The following GPRIN3 variants were observed in gnomAD, a reference collection of about 807,000 sequenced individuals.
GPRIN3 encodes GPRIN family member 3, also known as G protein-regulated inducer of neurite outgrowth 3.
Under a neutral mutation model 13.7 loss-of-function variants are expected in GPRIN3, and 12 were observed. That is an observed-to-expected ratio of 0.87 (90% CI 0.56 to 1.42). The LOEUF (loss-of-function observed/expected upper bound fraction) is 1.42. GPRIN3 is among the 40% of genes most tolerant of loss of function. GPRIN3 has a pLI of 0.00. For synonymous variants in GPRIN3, 377 were observed against 372.7 expected, an observed-to-expected ratio of 1.01 and a Z score of -0.13; for missense variants, 1,009 against 958.7, an observed-to-expected ratio of 1.05 and a Z score of -0.69.
chr4:89,270,685 C>A (rs969570909), intron 1 of GPRIN3, among the ~76,000 whole-genome samples: 1 of 149,484 alleles, frequency 6.7e-6, no homozygotes. Flanking sequence ...ACTTCAGGGG[C>A]ACACCACTGC....
At chr4:89,293,733 A>G (rs548182158) in intron 1 of GPRIN3, among the ~76,000 whole-genome samples, 1 of 152,324 alleles carries the variant, frequency 6.6e-6, no homozygotes, top group East Asian at 1.9e-4. Flanking sequence ...AGCTCTGCTA[A>G]CCTATGATGA....
In GPRIN3 at chr4:89,247,759, A is replaced by AACTCCCATAAAT. The variant is rs754746048; in HGVS notation, c.*9_*20dup. On this transcript the variant is annotated 3_prime_UTR_variant, in exon 2 of 2. Coordinates refer to ENST00000609438, the MANE Select transcript of GPRIN3 (RefSeq NM_198281.3). ...TGTGAATACCGTAAATTTATACACAAACTCCCATAAATACTCCCTTTCAAT... is the reference window on the plus strand; with the variant it reads ...TGTGAATACCGTAAATTTATACACAAACTCCCATAAATACTCCCATAAATACTCCCTTTCAAT... 5.1e-6 allele frequency: 8 copies of AACTCCCATAAAT among 1,575,372 alleles called. No individual in the cohort carries two copies. Among genetic ancestry groups the AACTCCCATAAAT allele is most frequent in the Non-Finnish European group, 6.0e-6 (7 of 1,158,576 alleles).
rs1725073916 is a variant in GPRIN3, at chr4:89,307,677, T to C, written c.-186A>G. The C allele has an allele frequency of 6.6e-6, 1 of 152,040 alleles. No individual in the cohort carries two copies. The highest frequency in any genetic ancestry group is 2.4e-5 in the African/African-American group (1 of 41,380). The allele number at this position is 152,040 out of a possible 1,614,324, so 9.4% of individuals were successfully genotyped here. A position where few individuals can be genotyped will look rare whatever the true frequency, so the allele number is the denominator to read the frequency against. On this transcript the variant is annotated 5_prime_UTR_variant, in exon 1 of 2. Transcript: ENST00000609438. ...CCTGCGCTGTGGCGGGGGCTTCCCG[T>C]CGCATATCCCAAGCACCGTCTCTCG...
In GPRIN3 at chr4:89,289,528, C is replaced by G. The variant is rs575777252; in HGVS notation, c.-124+18087G>C. Reference sequence around the variant, plus strand: ...CAATAACTGTTACACTCATATAGCTCTTTAAAATAAAGCAAGCTCCCACAG... The same window carrying G: ...CAATAACTGTTACACTCATATAGCTGTTTAAAATAAAGCAAGCTCCCACAG... On this transcript the variant is annotated intron_variant, in intron 1 of 1. Coordinates refer to ENST00000609438, the MANE Select transcript of GPRIN3 (RefSeq NM_198281.3). Among the ~76,000 whole-genome samples, 22 of 152,280 alleles carry G rather than the reference C, an allele frequency of 1.4e-4. No individual in the cohort carries two copies. The South Asian group carries it at 1.5e-3, about 10-fold the overall frequency.
chr4:89,300,135 A>AT (rs1561234727), intron 1 of GPRIN3, among the ~76,000 whole-genome samples: 1 of 152,112 alleles, frequency 6.6e-6, no homozygotes, highest in East Asian at 1.9e-4. Flanking sequence ...ACCATGGTTA[A>AT]TGGGGGTTAA....
At chr4:89,279,568 C>A (rs572008109) in intron 1 of GPRIN3, among the ~76,000 whole-genome samples, 1 of 152,348 alleles carries the variant, frequency 6.6e-6, no homozygotes, top group African/African-American at 2.4e-5. Flanking sequence ...CATGTTGTTT[C>A]TTTGTCATTT....
chr4:89,296,941 AG>A (rs1299909678), intron 1 of GPRIN3, among the ~76,000 whole-genome samples: 1 of 152,240 alleles, frequency 6.6e-6, no homozygotes, highest in Non-Finnish European at 1.5e-5. Context: ...ATGAAATCCA[AG>A]ATAGAAGACA....
At chr4:89,268,103 T>C (rs993793259) in intron 1 of GPRIN3, among the ~76,000 whole-genome samples, 8 of 152,134 alleles carry the variant, frequency 5.3e-5, no homozygotes, top group African/African-American at 1.4e-4. Flanking sequence ...TGGTGGGCAA[T>C]AGGAAGTTAC....
chr4:89,292,463 T>C (rs1561227146), intron 1 of GPRIN3, among the ~76,000 whole-genome samples: 3 of 152,206 alleles, frequency 2.0e-5, no homozygotes, highest in Non-Finnish European at 2.9e-5. Context: ...ACAAATTAGA[T>C]CACATATATT....
intron 1 of GPRIN3, among the ~76,000 whole-genome samples, chr4:89,304,605 T>A (rs1724986439): frequency 6.6e-6 from 1 of 152,180 alleles, no homozygotes; most frequent in Non-Finnish European, 1.5e-5. Context: ...TTCTCTCATT[T>A]AAAAAATAAT....
chr4:89,282,289 A>G (rs1053523302), intron 1 of GPRIN3, among the ~76,000 whole-genome samples: 26 of 152,232 alleles, frequency 1.7e-4, no homozygotes, highest in Non-Finnish European at 2.8e-4. Flanking sequence ...GTAGTTTATA[A>G]CAAAAATCAA....
At chr4:89,272,970 T>C (rs529744173) in intron 1 of GPRIN3, among the ~76,000 whole-genome samples, 2 of 152,292 alleles carry the variant, frequency 1.3e-5, no homozygotes, top group East Asian at 1.9e-4. Flanking sequence ...ATCTAGCACA[T>C]AGAGCTTTAG....
intron 1 of GPRIN3, among the ~76,000 whole-genome samples, chr4:89,304,676 G>T (rs1309232914): frequency 6.6e-6 from 1 of 152,066 alleles, no homozygotes; most frequent in Non-Finnish European, 1.5e-5. Flanking sequence ...TTACTTGTTT[G>T]TTCAGTCTGT....
intron 1 of GPRIN3, among the ~76,000 whole-genome samples, chr4:89,294,205 G>A (rs1209056255): frequency 6.6e-6 from 1 of 152,184 alleles, no homozygotes; most frequent in Admixed American, 6.5e-5. Flanking sequence ...TTGTTTTAAT[G>A]TGACACTTGG....
At chr4:89,252,254 G>A (rs1723349522) in intron 1 of GPRIN3, among the ~76,000 whole-genome samples, 1 of 152,160 alleles carries the variant, frequency 6.6e-6, no homozygotes. Context: ...ATTATAGGTA[G>A]AAGCCCATGA....
chr4:89,236,865 G>C lies in GPRIN3; in HGVS notation c.*10915C>G, dbSNP rs1195676220. On this transcript the variant is annotated 3_prime_UTR_variant, in exon 2 of 2. Coordinates refer to ENST00000609438, the MANE Select transcript of GPRIN3 (RefSeq NM_198281.3). Reference sequence around the variant, plus strand: ...ACCTCCTAAGGTTGAGACATAGATGGAAGTGCCCAGCAAAACGTCTGGCAC... The same window carrying C: ...ACCTCCTAAGGTTGAGACATAGATGCAAGTGCCCAGCAAAACGTCTGGCAC... 1 of 152,092 alleles carries C rather than the reference G, an allele frequency of 6.6e-6. No individual in the cohort carries two copies. Among genetic ancestry groups the C allele is most frequent in the Non-Finnish European group, 1.5e-5 (1 of 68,026 alleles). 9.4% of individuals were successfully genotyped at this position (152,092 alleles called of 1,614,324 possible). A position where few individuals can be genotyped will look rare whatever the true frequency, so the allele number is the denominator to read the frequency against.
intron 1 of GPRIN3, among the ~76,000 whole-genome samples, chr4:89,254,343 G>C (rs956081328): frequency 1.3e-5 from 2 of 151,884 alleles, no homozygotes; most frequent in Non-Finnish European, 2.9e-5. Context: ...ATTAAGCCTA[G>C]TACCCATTAG....
chr4:89,281,559 C>T (rs1051592323), intron 1 of GPRIN3, among the ~76,000 whole-genome samples: 2 of 152,174 alleles, frequency 1.3e-5, no homozygotes, highest in African/African-American at 4.8e-5. Context: ...GACCCCACCT[C>T]CAACACTGGG....
chr4:89,285,644 C>T (rs575977341), intron 1 of GPRIN3, among the ~76,000 whole-genome samples: 1 of 152,312 alleles, frequency 6.6e-6, no homozygotes, highest in South Asian at 2.1e-4. Context: ...CCTGTTCTGT[C>T]ACCCAATTCA....
Sources: gnomAD v4.1 joint callset for allele counts (sites outside exome capture counted in the v4.1 genomes callset) on GRCh38, gnomAD v4.1.1 for gene constraint, MANE v1.5 for transcripts, NCBI Gene and HGNC (gene_info 2026-07-23, HGNC 2026-07-21) for gene names.